HPSE2: variants seen among roughly 807,000 people sequenced by gnomAD.
The protein encoded by HPSE2 is heparanase 2 (inactive).
Under a neutral mutation model 60.5 loss-of-function variants are expected in HPSE2, and 38 were observed. That is an observed-to-expected ratio of 0.63 (90% confidence interval 0.48 to 0.82). The LOEUF is 0.82. HPSE2 is among the 40% of genes least tolerant of loss of function. The pLI, the probability that HPSE2 is intolerant of heterozygous loss-of-function variation, is 0.00. For missense variants in HPSE2, 713 were observed against 740.4 expected (o/e 0.96, Z 0.43); for synonymous variants, 295 against 293.2 (o/e 1.01, Z -0.06).
At chr10:98,889,982 G>A (rs1206268903) in intron 3 of HPSE2, among the ~76,000 whole-genome samples, 1 of 152,148 alleles carries the variant, frequency 6.6e-6, no homozygotes, top group Non-Finnish European at 1.5e-5. Flanking sequence ...TCCAGAACAT[G>A]AGACTCAAAC....
intron 3 of HPSE2, among the ~76,000 whole-genome samples, chr10:98,776,386 G>T (rs1950341332): frequency 6.6e-6 from 1 of 152,132 alleles, no homozygotes; most frequent in African/African-American, 2.4e-5. Flanking sequence ...GGTAGAGGTT[G>T]CAGTAAGCCG....
At chr10:99,088,261 G>A (rs1455902146) in intron 3 of HPSE2, among the ~76,000 whole-genome samples, 4 of 152,016 alleles carry the variant, frequency 2.6e-5, no homozygotes, top group African/African-American at 9.7e-5. Context: ...TTGGCTACAT[G>A]AATAAGTTCT....
intron 9 of HPSE2, among the ~76,000 whole-genome samples, chr10:98,536,131 C>T (rs965516548): frequency 6.6e-5 from 10 of 152,196 alleles, no homozygotes; most frequent in African/African-American, 2.4e-4. Flanking sequence ...GACAGGTTAG[C>T]TCTAACTTCT....
the HPSE2 span, among the ~76,000 whole-genome samples, chr10:99,277,707 T>C: frequency 6.6e-6 from 1 of 152,212 alleles, no homozygotes; most frequent in Non-Finnish European, 1.5e-5. Flanking sequence ...AAATGTCATA[T>C]GCACAATACA....
chr10:98,500,949 A>G (rs1376809618), intron 9 of HPSE2, among the ~76,000 whole-genome samples: 1 of 152,138 alleles, frequency 6.6e-6, no homozygotes, highest in African/African-American at 2.4e-5. Flanking sequence ...AAAACCTAGA[A>G]GAGGTGGATA....
intron 3 of HPSE2, among the ~76,000 whole-genome samples, chr10:98,837,015 A>C (rs1478420708): frequency 6.6e-6 from 1 of 152,246 alleles, no homozygotes; most frequent in Non-Finnish European, 1.5e-5. Context: ...ACTGCACTCT[A>C]GCCTGGGCAA....
chr10:98,477,478 A>G (rs1941068216), intron 11 of HPSE2, among the ~76,000 whole-genome samples: 1 of 152,170 alleles, frequency 6.6e-6, no homozygotes, highest in Admixed American at 6.5e-5. Context: ...CCTCAGGTCA[A>G]TGTGTCAGAA....
chr10:98,538,733 TA>T (rs1313022051), intron 9 of HPSE2, among the ~76,000 whole-genome samples: 1 of 152,148 alleles, frequency 6.6e-6, no homozygotes, highest in Non-Finnish European at 1.5e-5. Context: ...AGATCCTACT[TA>T]ATTAATGTGG....
At chr10:98,915,510 AG>A (rs1431113943) in intron 3 of HPSE2, among the ~76,000 whole-genome samples, 1 of 152,114 alleles carries the variant, frequency 6.6e-6, no homozygotes, top group Non-Finnish European at 1.5e-5. Context: ...AATGAGAGGG[AG>A]GGAAAAATTT....
intron 3 of HPSE2, among the ~76,000 whole-genome samples, chr10:99,073,676 A>G (rs1333101884): frequency 6.6e-6 from 1 of 152,212 alleles, no homozygotes; most frequent in Non-Finnish European, 1.5e-5. Context: ...TCAGTCTTCC[A>G]ATCTATAAAC....
intron 3 of HPSE2, among the ~76,000 whole-genome samples, chr10:99,099,441 G>T (rs898901742): frequency 1.3e-5 from 2 of 152,226 alleles, no homozygotes; most frequent in Non-Finnish European, 2.9e-5. Context: ...AGCGAGGCTG[G>T]GGGAGGGGTG....
At chr10:99,285,103 T>A in the HPSE2 span, among the ~76,000 whole-genome samples, 4 of 152,046 alleles carry the variant, frequency 2.6e-5, no homozygotes, top group African/African-American at 9.7e-5. Flanking sequence ...CCCAATTTTT[T>A]AAATGGGTTT....
intron 3 of HPSE2, among the ~76,000 whole-genome samples, chr10:98,897,651 G>A (rs1356263629): frequency 6.6e-6 from 1 of 151,980 alleles, no homozygotes; most frequent in East Asian, 1.9e-4. Flanking sequence ...ACATCCATAT[G>A]CAATAAAAAA....
At chr10:98,835,955 C>A (rs1014213130) in intron 3 of HPSE2, among the ~76,000 whole-genome samples, 1 of 152,116 alleles carries the variant, frequency 6.6e-6, no homozygotes, top group African/African-American at 2.4e-5. Context: ...GCCATGTAAT[C>A]AAACTGAACT....
intron 5 of HPSE2, among the ~76,000 whole-genome samples, chr10:98,705,450 T>C (rs766208954): frequency 1.3e-5 from 2 of 152,214 alleles, no homozygotes; most frequent in Non-Finnish European, 2.9e-5. Flanking sequence ...TGAAGACATA[T>C]GCACATGTAT....
chr10:98,671,940 C>T (rs1183518496), intron 6 of HPSE2, among the ~76,000 whole-genome samples: 4 of 152,110 alleles, frequency 2.6e-5, no homozygotes, highest in African/African-American at 9.7e-5. Context: ...AGGCTAACCT[C>T]AAATTAACAA....
chr10:98,510,129 TC>T (rs1032438756), intron 9 of HPSE2, among the ~76,000 whole-genome samples: 2 of 152,356 alleles, frequency 1.3e-5, no homozygotes, highest in African/African-American at 4.8e-5. Context: ...GTTTTTTTAA[TC>T]ACATTTACTG....
intron 9 of HPSE2, among the ~76,000 whole-genome samples, chr10:98,613,674 G>T (rs1231869734): frequency 6.6e-6 from 1 of 152,226 alleles, no homozygotes; most frequent in Non-Finnish European, 1.5e-5. Flanking sequence ...GCAACAAATA[G>T]TTCTGTAGAA....
intron 3 of HPSE2, among the ~76,000 whole-genome samples, chr10:98,755,945 G>A (rs565761171): frequency 2.6e-5 from 4 of 152,230 alleles, no homozygotes; most frequent in East Asian, 3.9e-4. Context: ...GCAGTGAGCC[G>A]AGATGGTGCC....
Sources: gnomAD v4.1 joint callset for allele counts (sites outside exome capture counted in the v4.1 genomes callset) on GRCh38, gnomAD v4.1.1 for gene constraint, MANE v1.5 for transcripts, NCBI Gene and HGNC (gene_info 2026-07-23, HGNC 2026-07-21) for gene names.